FAM229B: variants seen among roughly 807,000 people sequenced by gnomAD.
FAM229B encodes protein FAM229B.
In FAM229B, 2 loss-of-function variants were observed where a neutral mutation model predicts 6.7. The observed-to-expected ratio is 0.30, with a 90% CI of 0.12 to 0.94. The LOEUF (loss-of-function observed/expected upper bound fraction) is 0.94. Ranked by LOEUF, FAM229B falls within the 40% of genes least tolerant of loss-of-function variation. FAM229B has a pLI of 0.54. For missense variants in FAM229B, 93 were observed against 96.2 expected (o/e 0.97, Z 0.14); for synonymous variants, 29 against 34.0 (o/e 0.85, Z 0.51).
chr6:112,098,878 C>G (rs1361392086), intron 2 of FAM229B, among the ~76,000 whole-genome samples: 1 of 152,082 alleles, frequency 6.6e-6, no homozygotes, highest in African/African-American at 2.4e-5. Context: ...GTATTTTTTG[C>G]AAGACTTAAA....
At position 112,100,705 on chromosome 6, in the gene FAM229B, C is replaced by T; in HGVS notation, c.161C>T (p.Thr54Ile). The part of the protein sequence containing the change: ...LRRCPGSHCL[T>I]ITDVPVTVYA... ...AGGTGCCCTGGAAGTCATTGCCTGACAATAACTGATGTTCCCGTCACTGTT... is the reference window on the plus strand; with the variant it reads ...AGGTGCCCTGGAAGTCATTGCCTGATAATAACTGATGTTCCCGTCACTGTT... Residue 54 changes from threonine (T) to isoleucine (I), a missense_variant, in exon 4 of 4, where the codon ACA (threonine) becomes ATA (isoleucine). Physicochemically the swap from Thr to Ile is moderately conservative, Grantham distance 89. Coordinates refer to ENST00000368656, the MANE Select transcript of FAM229B (RefSeq NM_001033564.3). The T allele has an allele frequency of 6.2e-7, 1 of 1,614,040 alleles. No homozygotes were observed. The highest frequency in any genetic ancestry group is 8.5e-7 in the Non-Finnish European group (1 of 1,179,934).
chr6:112,094,429 A>G (rs2114505081), intron 1 of FAM229B, among the ~76,000 whole-genome samples: 1 of 152,034 alleles, frequency 6.6e-6, no homozygotes, highest in East Asian at 1.9e-4. Flanking sequence ...GGCCTTTCAG[A>G]TTTTTTATTG....
chr6:112,100,848 G>A lies in FAM229B; in HGVS notation c.*61G>A. 2 of 1,213,076 alleles carry A rather than the reference G, an allele frequency of 1.6e-6. No homozygotes were observed. The highest frequency in any genetic ancestry group is 2.4e-6 in the Non-Finnish European group (2 of 823,188). 75.1% of individuals were successfully genotyped at this position (1,213,076 alleles called of 1,614,324 possible). A position where few individuals can be genotyped will look rare whatever the true frequency, so the allele number is the denominator to read the frequency against. On this transcript the variant is annotated 3_prime_UTR_variant, in exon 4 of 4. Coordinates refer to ENST00000368656, the MANE Select transcript of FAM229B (RefSeq NM_001033564.3). ...AAGGGTAATGGACCAGTATCATCTG[G>A]TGATCTGGTAAACAAATAAAAGTGG...
chr6:112,097,698 G>A (rs1283721374), intron 2 of FAM229B, among the ~76,000 whole-genome samples: 1 of 152,124 alleles, frequency 6.6e-6, no homozygotes, highest in East Asian at 1.9e-4. Flanking sequence ...TGTACTAATA[G>A]TTGAATACAT....
chr6:112,098,592 A>G (rs1209849658), intron 2 of FAM229B, among the ~76,000 whole-genome samples: 1 of 152,214 alleles, frequency 6.6e-6, no homozygotes, highest in African/African-American at 2.4e-5. Flanking sequence ...TGAAGATCAC[A>G]TAGTTGGGAA....
chr6:112,087,789 A>C, intron 1 of FAM229B, 69 bp downstream of exon 1: 1 of 284,666 alleles, frequency 3.5e-6, no homozygotes. Flanking sequence ...TCAGAGGTTT[A>C]ATTTTTGTTC....
chr6:112,102,735 T>G lies in FAM229B; in HGVS notation c.*1948T>G, dbSNP rs1419204516. ...TCAAACTGATTTCAAGTAACTTGAG[T>G]GCATCCAAGGGGAGAAAACCCATCA... is the stretch of plus-strand genomic sequence containing the variant. On this transcript the variant is annotated 3_prime_UTR_variant, in exon 4 of 4. Coordinates refer to ENST00000368656, the MANE Select transcript of FAM229B (RefSeq NM_001033564.3). The G allele has an allele frequency of 6.6e-6, 1 of 151,782 alleles. No homozygotes were observed. 9.4% of individuals were successfully genotyped at this position (151,782 alleles called of 1,614,324 possible).
intron 2 of FAM229B, among the ~76,000 whole-genome samples, 197 bp from the exon 3 acceptor site, chr6:112,099,073 C>T (rs1554318947): frequency 6.6e-6 from 1 of 152,134 alleles, no homozygotes; most frequent in Non-Finnish European, 1.5e-5. Flanking sequence ...GCAGGAGGAT[C>T]ACTTAAGCCC....
Position 112,100,755 on chromosome 6 carries a change from G to C in FAM229B, c.211G>C (p.Ala71Pro). ...TVYATTRKPP[A>P]QSSKEMHPK ...TTATGCAACAACGAGAAAGCCACCTGCACAAAGCAGCAAGGAAATGCATCC... is the reference window on the plus strand; with the variant it reads ...TTATGCAACAACGAGAAAGCCACCTCCACAAAGCAGCAAGGAAATGCATCC... Residue 71 changes from alanine (A) to proline (P), a missense_variant, in exon 4 of 4, where the codon GCA (alanine) becomes CCA (proline). Coordinates refer to ENST00000368656, the MANE Select transcript of FAM229B (RefSeq NM_001033564.3). 1.2e-6 allele frequency: 2 copies of C among 1,613,842 alleles called. No homozygotes were observed. Among genetic ancestry groups the C allele is most frequent in the Non-Finnish European group, 1.7e-6 (2 of 1,179,784 alleles).
chr6:112,093,573 G>A (rs7762639), intron 1 of FAM229B, among the ~76,000 whole-genome samples: 46,324 of 151,758 alleles, frequency 0.31, 7,572 homozygotes, highest in African/African-American at 0.43. Context: ...ACATTCAAGT[G>A]CGTGTGGAAC....
rs187767438 is a variant in FAM229B at position 112,100,722 on chromosome 6, G to A, written c.178G>A (p.Val60Ile). Residue 60 changes from valine to isoleucine, a missense_variant, in exon 4 of 4, where the codon GTC becomes ATC. Physicochemically the swap from Val to Ile is conservative, Grantham distance 29. Transcript: ENST00000368656. ...TTGCCTGACAATAACTGATGTTCCC[G>A]TCACTGTTTATGCAACAACGAGAAA... ...SHCLTITDVPVTVYATTRKPP... is the reference protein window; with the variant it reads ...SHCLTITDVPITVYATTRKPP... 250 of 1,613,954 alleles carry A rather than the reference G, an allele frequency of 1.5e-4. 1 individual carries two copies. The East Asian group carries it at 5.1e-3, about 33-fold the overall frequency.
In FAM229B at chr6:112,090,602, CA is replaced by C. The variant is rs1777245372; in HGVS notation, c.-176+2884del. ...CCAAAATCTCAGTGGTGTAAAACAACAATTTTTTTTTTGTACATGATACATG... is the reference window on the plus strand; with the variant it reads ...CCAAAATCTCAGTGGTGTAAAACAACATTTTTTTTTTGTACATGATACATG... On this transcript the variant is annotated intron_variant, in intron 1 of 3. Coordinates refer to ENST00000368656, the MANE Select transcript of FAM229B (RefSeq NM_001033564.3). 2.6e-5 allele frequency among the ~76,000 whole-genome samples: 4 copies of C among 152,064 alleles called. No individual in the cohort carries two copies. In the South Asian group the frequency reaches 8.3e-4, roughly 32 times the overall value.
At chr6:112,098,101 A>G (rs1007243030) in intron 2 of FAM229B, among the ~76,000 whole-genome samples, 2 of 152,212 alleles carry the variant, frequency 1.3e-5, no homozygotes, top group African/African-American at 2.4e-5. Context: ...GCTAAGAACT[A>G]TCTGATCCCA....
Position 112,099,387 on chromosome 6 carries a change from G to A in FAM229B, c.104G>A (p.Gly35Glu). 2 of 1,613,508 alleles carry A rather than the reference G, an allele frequency of 1.2e-6. No homozygotes were observed. The highest frequency in any genetic ancestry group is 1.7e-5 in the Admixed American group (1 of 59,960). The change falls in exon 3 of 4, where the codon GGG becomes GAG. Residue 35 changes from glycine (G) to glutamate (E), a missense_variant. Physicochemically the swap from Gly to Glu is moderately conservative, Grantham distance 98. Transcript: ENST00000368656. ...PGLSSSAACN[G>E]KEMSPTRQLR... Reference sequence around the variant, plus strand: ...CTGAGCTCCAGTGCTGCCTGTAATGGGAAGGAGATGTCACCAACCAGGTAA... The same window carrying A: ...CTGAGCTCCAGTGCTGCCTGTAATGAGAAGGAGATGTCACCAACCAGGTAA...
Position 112,090,022 on chromosome 6 carries a change from G to A in FAM229B, c.-176+2302G>A, listed in dbSNP as rs782704013. On this transcript the variant is annotated intron_variant, in intron 1 of 3. Transcript: ENST00000368656. ...TTAGGTACCTAGGCATGAAATGAAC[G>A]GGGGAGTGGGATGAAGAAAAAACAA... is the stretch of plus-strand genomic sequence containing the variant. Among the ~76,000 whole-genome samples, 7 of 152,034 alleles carry A rather than the reference G, an allele frequency of 4.6e-5. No individual in the cohort carries two copies. The East Asian group carries it at 5.8e-4, about 13-fold the overall frequency.
intron 1 of FAM229B, among the ~76,000 whole-genome samples, chr6:112,093,039 C>T (rs782165170): frequency 1.3e-5 from 2 of 151,682 alleles, no homozygotes; most frequent in Non-Finnish European, 1.5e-5. Flanking sequence ...TTAATTCAAC[C>T]GTATCTATCA....
Position 112,095,659 on chromosome 6 carries a change from A to AAC in FAM229B, c.-175-1381_-175-1380dup, listed in dbSNP as rs1777313837. 3.6e-5 allele frequency among the ~76,000 whole-genome samples: 5 copies of AAC among 139,334 alleles called. No individual in the cohort carries two copies. In the South Asian group the frequency reaches 1.1e-3, roughly 30 times the overall value. 91.4% of individuals were successfully genotyped at this position (139,334 alleles called of 152,430 possible). A position where few individuals can be genotyped will look rare whatever the true frequency, so the allele number is the denominator to read the frequency against. On this transcript the variant is annotated intron_variant, in intron 1 of 3. Transcript: ENST00000368656. ...TCAAAAAAAAAAAAAAAAAAAAAAA[A>AAC]ACCAAAAAAAAAAAAAAAGAAAAAA... is the stretch of plus-strand genomic sequence containing the variant.
At chr6:112,100,619 AT>A (rs782690337) in intron 3 of FAM229B, 50 bp from the exon 4 acceptor site, 28 of 1,287,794 alleles carry the variant, frequency 2.2e-5, no homozygotes, top group Middle Eastern at 3.7e-4. Flanking sequence ...CTGAAAAAAA[AT>A]ATTTCCTCTT....
chr6:112,092,932 A>G (rs1777276661), intron 1 of FAM229B, among the ~76,000 whole-genome samples: 1 of 152,066 alleles, frequency 6.6e-6, no homozygotes, highest in Admixed American at 6.5e-5. Flanking sequence ...AAATAGATTC[A>G]TAAAATATAT....
Sources: allele counts gnomAD v4.1 joint callset (sites outside exome capture counted in the v4.1 genomes callset), GRCh38; gene constraint gnomAD v4.1.1; transcripts MANE v1.5; gene names NCBI Gene and HGNC (gene_info 2026-07-23, HGNC 2026-07-21).